Variants in LMO7 observed in about 807,000 individuals in gnomAD.
LMO7 encodes the protein LIM domain 7, also known as LIM domain only protein 7.
A neutral mutation model predicts 206.5 loss-of-function variants in LMO7; 120 were observed. The observed-to-expected ratio is 0.58, with a 90% CI of 0.50 to 0.68. The LOEUF (loss-of-function observed/expected upper bound fraction) is 0.68, where lower values mean the gene tolerates loss of function less well. LMO7 is among the 30% of genes least tolerant of loss of function. The pLI is 0.00. For synonymous variants in LMO7, 706 were observed against 681.5 expected (o/e 1.04, Z -0.56); for missense variants, 1,959 against 1,957.9 (o/e 1.00, Z -0.01).
chr13:75,650,010 T>C (rs1478209426), intron 1 of LMO7, among the ~76,000 whole-genome samples: 1 of 152,192 alleles, frequency 6.6e-6, no homozygotes, highest in African/African-American at 2.4e-5. Flanking sequence ...TAAAATTTTA[T>C]GTTTTTTGTA....
intron 2 of LMO7, among the ~76,000 whole-genome samples, chr13:75,630,386 T>A (rs1224650006): frequency 2.0e-5 from 3 of 152,202 alleles, no homozygotes; most frequent in African/African-American, 7.2e-5. Flanking sequence ...ATAGCCACTG[T>A]TGGCAGCTGG....
At chr13:75,852,765 G>A (rs998590610) in intron 27 of LMO7, among the ~76,000 whole-genome samples, 5 of 152,164 alleles carry the variant, frequency 3.3e-5, no homozygotes, top group African/African-American at 1.2e-4. Context: ...TGTAAAATAG[G>A]CTTTGTGTTG....
chr13:75,815,380 A>G (rs1205130350), intron 11 of LMO7, among the ~76,000 whole-genome samples: 1 of 152,176 alleles, frequency 6.6e-6, no homozygotes, highest in African/African-American at 2.4e-5. Flanking sequence ...GTTATGGTAT[A>G]TGAGAGAAAG....
intron 1 of LMO7, among the ~76,000 whole-genome samples, chr13:75,648,336 T>C (rs902486307): frequency 6.6e-6 from 1 of 152,214 alleles, no homozygotes; most frequent in African/African-American, 2.4e-5. Context: ...TATATGTATT[T>C]TTGCAGATGA....
intron 2 of LMO7, among the ~76,000 whole-genome samples, chr13:75,724,459 T>C (rs1253275117): frequency 2.0e-5 from 3 of 152,192 alleles, no homozygotes; most frequent in Non-Finnish European, 4.4e-5. Flanking sequence ...AAGGTTATTA[T>C]GTTATCTGAA....
At chr13:75,781,396 C>T (rs541418342) in intron 4 of LMO7, among the ~76,000 whole-genome samples, 8,887 of 146,392 alleles carry the variant, frequency 0.061, 396 homozygotes, top group Non-Finnish European at 0.092. Context: ...TTTGTTCTTG[C>T]GATAGTTTAC....
At chr13:75,784,197 T>C (rs2052029764) in intron 4 of LMO7, among the ~76,000 whole-genome samples, 1 of 152,182 alleles carries the variant, frequency 6.6e-6, no homozygotes, top group Non-Finnish European at 1.5e-5. Context: ...ATTATGAGGT[T>C]CAAAATGTTA....
At chr13:75,648,250 A>C (rs1566272593) in intron 1 of LMO7, among the ~76,000 whole-genome samples, 1 of 152,138 alleles carries the variant, frequency 6.6e-6, no homozygotes, top group Non-Finnish European at 1.5e-5. Flanking sequence ...TCCCAGCCTA[A>C]CTTGTTTTTT....
chr13:75,819,987 A>C (rs894668186), intron 13 of LMO7, among the ~76,000 whole-genome samples: 3 of 152,340 alleles, frequency 2.0e-5, no homozygotes, highest in African/African-American at 7.2e-5. Flanking sequence ...TTATGAACAT[A>C]AATGTGTGTG....
intron 1 of LMO7, among the ~76,000 whole-genome samples, chr13:75,688,249 C>A (rs150985744): frequency 1.3e-5 from 2 of 152,122 alleles, no homozygotes; most frequent in Non-Finnish European, 2.9e-5. Flanking sequence ...AATGGCTATG[C>A]TGAACCCACA....
intron 13 of LMO7, among the ~76,000 whole-genome samples, chr13:75,820,863 G>C (rs2057498873): frequency 6.6e-6 from 1 of 152,122 alleles, no homozygotes; most frequent in African/African-American, 2.4e-5. Context: ...TGGGTGTGGT[G>C]GCGCATGCCC....
Position 75,825,445 on chromosome 13 carries a change from A to T in LMO7, c.2949+1572A>T, listed in dbSNP as rs73227990. Among the ~76,000 whole-genome samples the T allele has an allele frequency of 4.5e-3, 681 of 152,268 alleles. 7 individuals carry two copies. Among genetic ancestry groups the T allele is most frequent in the Non-Finnish European group, 5.6e-3 (380 of 68,020 alleles). On this transcript the variant is annotated intron_variant, in intron 15 of 30. Coordinates refer to ENST00000377534, the MANE Select transcript of LMO7 (RefSeq NM_001306080.2). Reference sequence around the variant, plus strand: ...AACTGTGGATTAAGGAAAAGAGGCTAAGTGTGGTGCGTGGTTGTGTCTCAG... The same window carrying T: ...AACTGTGGATTAAGGAAAAGAGGCTTAGTGTGGTGCGTGGTTGTGTCTCAG...
intron 1 of LMO7, among the ~76,000 whole-genome samples, chr13:75,711,994 A>G (rs1180356674): frequency 6.6e-6 from 1 of 152,150 alleles, no homozygotes; most frequent in East Asian, 1.9e-4. Context: ...CTCCTGTCCA[A>G]ATGTATAGAC....
At chr13:75,683,771 G>T (rs1047324099) in intron 1 of LMO7, among the ~76,000 whole-genome samples, 1 of 152,142 alleles carries the variant, frequency 6.6e-6, no homozygotes, top group Non-Finnish European at 1.5e-5. Context: ...ATTTACATTG[G>T]TTCCATCTGG....
chr13:75,636,362 C>G lies in LMO7; in HGVS notation c.-296C>G, dbSNP rs1184437314. The G allele has an allele frequency of 4.0e-6, 5 of 1,249,286 alleles. No homozygotes were observed. The highest frequency in any genetic ancestry group is 4.3e-5 in the Admixed American group (1 of 23,382). The allele number at this position is 1,249,286 out of a possible 1,614,324, so 77.4% of individuals were successfully genotyped here. ...CGTCGGGGCTGGTGCCGCGCGCTGCCGCTGGGCACCCGCTTCGCTTCCCGC... is the reference window on the plus strand; with the variant it reads ...CGTCGGGGCTGGTGCCGCGCGCTGCGGCTGGGCACCCGCTTCGCTTCCCGC... On this transcript the variant is annotated 5_prime_UTR_variant, in exon 1 of 31. Transcript: ENST00000377534.
chr13:75,786,735 T>C (rs559101196), intron 4 of LMO7, among the ~76,000 whole-genome samples: 1 of 152,280 alleles, frequency 6.6e-6, no homozygotes, highest in East Asian at 1.9e-4. Flanking sequence ...GAGGTTCTAT[T>C]TCATCTCTGT....
intron 1 of LMO7, among the ~76,000 whole-genome samples, chr13:75,693,519 G>A (rs2041657736): frequency 6.6e-6 from 1 of 152,200 alleles, no homozygotes; most frequent in Admixed American, 6.5e-5. Context: ...TACCGTCACT[G>A]AATCTGTTCT....
At chr13:75,621,566 A>G (rs2033313324) in exon 1 of LMO7, 2 of 417,658 alleles carry the variant, frequency 4.8e-6, no homozygotes, top group Non-Finnish European at 8.3e-6. Flanking sequence ...ATTACCATTC[A>G]TGTTTCATTT....
chr13:75,693,711 C>T (rs1454859173), intron 1 of LMO7, among the ~76,000 whole-genome samples: 1 of 152,168 alleles, frequency 6.6e-6, no homozygotes, highest in East Asian at 1.9e-4. Context: ...TGTTTTCCCC[C>T]AGCGTAGGTG....
Sources: allele counts gnomAD v4.1 joint callset (sites outside exome capture counted in the v4.1 genomes callset), GRCh38; gene constraint gnomAD v4.1.1; transcripts MANE v1.5; gene names NCBI Gene and HGNC (gene_info 2026-07-23, HGNC 2026-07-21).